The following SEMA5A variants were observed in gnomAD, a reference collection of about 807,000 sequenced individuals.
The protein encoded by SEMA5A is semaphorin 5A, also known as semaphorin-5A.
In SEMA5A, 55 loss-of-function variants were observed where a neutral mutation model predicts 135.5. That is an observed-to-expected ratio of 0.41 (90% CI 0.33 to 0.51). The LOEUF (loss-of-function observed/expected upper bound fraction) is 0.51. Ranked by LOEUF, SEMA5A falls within the 20% of genes least tolerant of loss-of-function variation. The pLI, the probability that SEMA5A is intolerant of heterozygous loss-of-function variation, is 0.37. For synonymous variants in SEMA5A, 580 were observed against 546.5 expected, an observed-to-expected ratio of 1.06 and a Z score of -0.85; for missense variants, 1,290 against 1,419.9, an observed-to-expected ratio of 0.91 and a Z score of 1.47.
At chr5:9,504,673 A>T (rs141787929) in intron 1 of SEMA5A, among the ~76,000 whole-genome samples, 3 of 152,338 alleles carry the variant, frequency 2.0e-5, no homozygotes, top group African/African-American at 4.8e-5. Context: ...CCTAAAGAAA[A>T]GTGAGTACAT....
At chr5:9,221,563 A>G (rs182752419) in intron 8 of SEMA5A, among the ~76,000 whole-genome samples, 48 of 152,162 alleles carry the variant, frequency 3.2e-4, no homozygotes, top group Non-Finnish European at 6.2e-4. Context: ...CGGCCTCCCA[A>G]AGTGCTGGGA....
Position 9,381,292 on chromosome 5 carries a change from G to T in SEMA5A, c.-77-1269C>A, listed in dbSNP as rs193146773. On this transcript the variant is annotated intron_variant, in intron 2 of 22. Coordinates refer to ENST00000382496, the MANE Select transcript of SEMA5A (RefSeq NM_003966.3). ...AATAAATGAAGCAGTGACTTTGAGG[G>T]TTTCAATGTGAATCAAAAGGCAAAC... is the stretch of plus-strand genomic sequence containing the variant. Among the ~76,000 whole-genome samples, 69 of 152,290 alleles carry T rather than the reference G, an allele frequency of 4.5e-4. 1 individual carries two copies. Among genetic ancestry groups the T allele is most frequent in the African/African-American group, 1.5e-3 (64 of 41,564 alleles).
At chr5:9,305,702 G>T (rs1315435400) in intron 5 of SEMA5A, among the ~76,000 whole-genome samples, 1 of 61,006 alleles carries the variant, frequency 1.6e-5, no homozygotes, top group Non-Finnish European at 3.7e-5. Flanking sequence ...TACTGTGTGT[G>T]TGTGCGTATA....
At position 9,122,656 on chromosome 5, in the gene SEMA5A, C is replaced by T. The variant is rs781653339; in HGVS notation, c.1781G>A (p.Arg594Lys). The change falls in exon 14 of 23, where the codon AGG becomes AAG. Residue 594 changes from arginine to lysine, a missense_variant and splice_region_variant. Physicochemically the swap from Arg to Lys is conservative, Grantham distance 26. Coordinates refer to ENST00000382496, the MANE Select transcript of SEMA5A (RefSeq NM_003966.3). ...AACTGGCGTGTTCTGAGCGGCACACCTGGAACAGTTGGCGATCTCCATGCC... is the reference window on the plus strand; with the variant it reads ...AACTGGCGTGTTCTGAGCGGCACACTTGGAACAGTTGGCGATCTCCATGCC... ...GPGMEIANCSRNGGWTPWTSW... is the reference protein window; with the variant it reads ...GPGMEIANCSKNGGWTPWTSW... 1.3e-6 allele frequency: 2 copies of T among 1,595,386 alleles called. No individual in the cohort carries two copies. Among genetic ancestry groups the T allele is most frequent in the Non-Finnish European group, 1.7e-6 (2 of 1,168,440 alleles).
intron 18 of SEMA5A, among the ~76,000 whole-genome samples, chr5:9,059,010 C>T (rs1437626349): frequency 6.6e-6 from 1 of 152,198 alleles, no homozygotes; most frequent in Non-Finnish European, 1.5e-5. Flanking sequence ...ACACAACTGC[C>T]AGAATTATTC....
chr5:9,221,073 C>T (rs1287861023), intron 8 of SEMA5A, among the ~76,000 whole-genome samples: 3 of 152,108 alleles, frequency 2.0e-5, no homozygotes, highest in Admixed American at 2.0e-4. Flanking sequence ...CCTTCACCAC[C>T]CCATTGTAGC....
At chr5:9,235,045 C>A (rs1747825333) in intron 6 of SEMA5A, among the ~76,000 whole-genome samples, 1 of 152,128 alleles carries the variant, frequency 6.6e-6, no homozygotes, top group African/African-American at 2.4e-5. Context: ...CAATTTTTCA[C>A]CCCAAGTAGA....
At chr5:9,371,523 T>A (rs534843021) in intron 3 of SEMA5A, among the ~76,000 whole-genome samples, 1 of 152,334 alleles carries the variant, frequency 6.6e-6, no homozygotes, top group Non-Finnish European at 1.5e-5. Flanking sequence ...TTTTTAAAAA[T>A]ATTTCATTTC....
At position 9,515,912 on chromosome 5, in the gene SEMA5A, G is replaced by A. The variant is rs773121344; in HGVS notation, c.-175+29672C>T. 5.3e-5 allele frequency among the ~76,000 whole-genome samples: 8 copies of A among 152,232 alleles called. No homozygotes were observed. In the East Asian group the frequency reaches 5.8e-4, roughly 11 times the overall value. Reference sequence around the variant, plus strand: ...CACTTCTCCATCAACTGCCACCCACGTAGCACCTCATAAATGAAAGTGGGA... The same window carrying A: ...CACTTCTCCATCAACTGCCACCCACATAGCACCTCATAAATGAAAGTGGGA... On this transcript the variant is annotated intron_variant, in intron 1 of 22. Coordinates refer to ENST00000382496, the MANE Select transcript of SEMA5A (RefSeq NM_003966.3).
Position 9,131,654 on chromosome 5 carries a change from AAAAAC to A in SEMA5A, c.1599+4845_1599+4849del, listed in dbSNP as rs1741438961. 4.0e-5 allele frequency among the ~76,000 whole-genome samples: 2 copies of A among 49,744 alleles called. 1 individual carries two copies. Among genetic ancestry groups the A allele is most frequent in the African/African-American group, 1.2e-4 (2 of 16,656 alleles). 32.6% of individuals were successfully genotyped at this position (49,744 alleles called of 152,430 possible). A position where few individuals can be genotyped will look rare whatever the true frequency, so the allele number is the denominator to read the frequency against. On this transcript the variant is annotated intron_variant, in intron 13 of 22. Coordinates refer to ENST00000382496, the MANE Select transcript of SEMA5A (RefSeq NM_003966.3). ...AAAAAAAAAAAAAAAAAAAAAAAAA[AAAAAC>A]CTGTCATGTGAGCAATAGAGCAAGA...
intron 2 of SEMA5A, among the ~76,000 whole-genome samples, chr5:9,425,000 C>T (rs1209953787): frequency 6.6e-6 from 1 of 152,138 alleles, no homozygotes; most frequent in Non-Finnish European, 1.5e-5. Context: ...AACTCATATC[C>T]CACCACTGCT....
At chr5:9,328,228 T>A (rs1458584385) in intron 4 of SEMA5A, among the ~76,000 whole-genome samples, 1 of 152,132 alleles carries the variant, frequency 6.6e-6, no homozygotes, top group Non-Finnish European at 1.5e-5. Flanking sequence ...GCTTCTCATC[T>A]CCATTGCCAT....
intron 11 of SEMA5A, among the ~76,000 whole-genome samples, chr5:9,160,978 A>G (rs1743220639): frequency 6.6e-6 from 1 of 152,166 alleles, no homozygotes; most frequent in Non-Finnish European, 1.5e-5. Context: ...CCCCCAAAGA[A>G]TTCCAGCCAC....
intron 16 of SEMA5A, among the ~76,000 whole-genome samples, chr5:9,098,072 C>T (rs920854317): frequency 2.0e-5 from 3 of 151,844 alleles, no homozygotes; most frequent in Admixed American, 1.3e-4. Flanking sequence ...GGTGAAACCC[C>T]GTCTCTACTA....
At chr5:9,071,121 C>T (rs528976291) in intron 16 of SEMA5A, among the ~76,000 whole-genome samples, 43 of 152,306 alleles carry the variant, frequency 2.8e-4, no homozygotes, top group Non-Finnish European at 5.7e-4. Context: ...AGAATGCTTA[C>T]TAAAGCAATT....
At chr5:9,175,364 G>A (rs1744147108) in intron 11 of SEMA5A, among the ~76,000 whole-genome samples, 1 of 152,096 alleles carries the variant, frequency 6.6e-6, no homozygotes, top group African/African-American at 2.4e-5. Context: ...ACATGTTTAT[G>A]CCTCCAGTTA....
At chr5:9,086,371 C>G (rs937759863) in intron 16 of SEMA5A, among the ~76,000 whole-genome samples, 2 of 152,030 alleles carry the variant, frequency 1.3e-5, no homozygotes, top group Non-Finnish European at 2.9e-5. Context: ...TGGTGTGGGT[C>G]TGGGTGGACC....
intron 1 of SEMA5A, among the ~76,000 whole-genome samples, chr5:9,474,931 TC>T (rs1484240925): frequency 9.8e-5 from 15 of 152,300 alleles, no homozygotes; most frequent in Middle Eastern, 3.4e-3. Flanking sequence ...TTCTTATTCT[TC>T]ATGTTTGCTT....
chr5:9,049,822 T>A (rs1032322936), intron 21 of SEMA5A, among the ~76,000 whole-genome samples: 4 of 152,226 alleles, frequency 2.6e-5, no homozygotes, highest in African/African-American at 4.8e-5. Flanking sequence ...AAATTTATCA[T>A]GTACTTGAAC....
Sources: gnomAD v4.1 joint callset for allele counts (sites outside exome capture counted in the v4.1 genomes callset) on GRCh38, gnomAD v4.1.1 for gene constraint, MANE v1.5 for transcripts, NCBI Gene and HGNC (gene_info 2026-07-23, HGNC 2026-07-21) for gene names.